The following B4GALT6 variants were observed in gnomAD, a reference collection of about 807,000 sequenced individuals.
B4GALT6 encodes the protein beta-1,4-galactosyltransferase 6, also known as UDP-Gal:beta-GlcNAc beta-1,4-galactosyltransferase 6.
A neutral mutation model predicts 46.3 loss-of-function variants in B4GALT6; 14 were observed. The observed-to-expected ratio is 0.30, with a 90% CI of 0.20 to 0.47. The LOEUF is 0.47. Ranked by LOEUF, B4GALT6 falls within the 20% of genes least tolerant of loss-of-function variation. The pLI, the probability that B4GALT6 is intolerant of heterozygous loss-of-function variation, is 0.99. For missense variants in B4GALT6, 386 were observed against 480.1 expected (o/e 0.80, Z 1.83); for synonymous variants, 168 against 162.0 (o/e 1.04, Z -0.28).
chr18:31,683,755 ATTG>A (rs1410335046), intron 1 of B4GALT6, among the ~76,000 whole-genome samples: 1 of 151,892 alleles, frequency 6.6e-6, no homozygotes, highest in Non-Finnish European at 1.5e-5. Flanking sequence ...ATAATGGAGC[ATTG>A]TTTTTACAAG....
At chr18:31,719,758 C>A in the B4GALT6 span, among the ~76,000 whole-genome samples, 1 of 152,014 alleles carries the variant, frequency 6.6e-6, no homozygotes, top group Non-Finnish European at 1.5e-5. Flanking sequence ...GGAATCATAG[C>A]GGATCAAAGT....
chr18:31,644,549 T>G (rs1321367908), intron 4 of B4GALT6, among the ~76,000 whole-genome samples: 1 of 152,190 alleles, frequency 6.6e-6, no homozygotes, highest in Non-Finnish European at 1.5e-5. Context: ...CTTTAGGAAA[T>G]AACACTTGAT....
chr18:31,710,041 G>C, the B4GALT6 span, among the ~76,000 whole-genome samples: 1 of 151,138 alleles, frequency 6.6e-6, no homozygotes, highest in Non-Finnish European at 1.5e-5. Flanking sequence ...GTTGCAGTGA[G>C]CTGAGATCAT....
intron 1 of B4GALT6, among the ~76,000 whole-genome samples, chr18:31,668,163 C>T (rs1481073213): frequency 2.0e-5 from 3 of 151,642 alleles, no homozygotes; most frequent in African/African-American, 4.8e-5. Context: ...TTTGCAACAA[C>T]ATGGATGCAG....
chr18:31,659,475 C>A (rs1218018876), intron 2 of B4GALT6, among the ~76,000 whole-genome samples: 1 of 152,130 alleles, frequency 6.6e-6, no homozygotes, highest in Non-Finnish European at 1.5e-5. Context: ...GGCTGCTAAG[C>A]AGAGGGTGTT....
At chr18:31,631,295 AC>A in intron 5 of B4GALT6, 149 bp from the exon 6 acceptor site, 1 of 810,072 alleles carries the variant, frequency 1.2e-6, no homozygotes, top group South Asian at 2.2e-5. Context: ...CTCGTGATCC[AC>A]CCACCTCAGC....
chr18:31,644,460 G>A (rs1383937507), intron 4 of B4GALT6, among the ~76,000 whole-genome samples: 3 of 151,768 alleles, frequency 2.0e-5, no homozygotes, highest in African/African-American at 7.3e-5. Context: ...GGTGGGGGGA[G>A]GTGAAAATAC....
At chr18:31,707,528 T>A in the B4GALT6 span, among the ~76,000 whole-genome samples, 400 of 152,306 alleles carry the variant, frequency 2.6e-3, 1 homozygote, top group African/African-American at 9.3e-3. Flanking sequence ...ATTTACAAGG[T>A]AAGTTAAACA....
chr18:31,675,762 G>A (rs1361454679), intron 1 of B4GALT6, among the ~76,000 whole-genome samples: 1 of 152,088 alleles, frequency 6.6e-6, no homozygotes, highest in African/African-American at 2.4e-5. Context: ...AAAAGACCAA[G>A]CCATAAATAA....
At chr18:31,651,550 C>T (rs1470237726) in intron 3 of B4GALT6, among the ~76,000 whole-genome samples, 2 of 152,108 alleles carry the variant, frequency 1.3e-5, no homozygotes, top group Non-Finnish European at 2.9e-5. Context: ...CAGGGACACA[C>T]GGCCTCCTGC....
At chr18:31,701,465 T>C in the B4GALT6 span, among the ~76,000 whole-genome samples, 6 of 152,196 alleles carry the variant, frequency 3.9e-5, no homozygotes. Flanking sequence ...GTCTCAGCTA[T>C]TTCTTTATAG....
At chr18:31,703,872 T>C in the B4GALT6 span, among the ~76,000 whole-genome samples, 1 of 152,216 alleles carries the variant, frequency 6.6e-6, no homozygotes, top group African/African-American at 2.4e-5. Context: ...TTCTTTTGCA[T>C]ATGTATCAGC....
rs1408310242 is a variant in B4GALT6, at chr18:31,624,197, A to T, written c.*1417T>A. 6.6e-6 allele frequency: 1 copy of T among 152,048 alleles called. No homozygotes were observed. Among genetic ancestry groups the T allele is most frequent in the Non-Finnish European group, 1.5e-5 (1 of 67,898 alleles). The allele number at this position is 152,048 out of a possible 1,614,324, so 9.4% of individuals were successfully genotyped here. Reference sequence around the variant, plus strand: ...CCTGACACTCATGCAAACATGTAAGATATTACATATAGAAGACATTATGGC... The same window carrying T: ...CCTGACACTCATGCAAACATGTAAGTTATTACATATAGAAGACATTATGGC... On this transcript the variant is annotated 3_prime_UTR_variant, in exon 9 of 9. Transcript: ENST00000306851.
At chr18:31,699,637 A>G in the B4GALT6 span, among the ~76,000 whole-genome samples, 8 of 19,600 alleles carry the variant, frequency 4.1e-4, no homozygotes, top group Non-Finnish European at 3.2e-4. Flanking sequence ...CTCTTCCTGG[A>G]AAAAAAAAAA....
chr18:31,699,074 T>C, the B4GALT6 span, among the ~76,000 whole-genome samples: 2 of 145,066 alleles, frequency 1.4e-5, no homozygotes, highest in African/African-American at 5.1e-5. Flanking sequence ...AGCAAGACTC[T>C]GTCTCAAAAA....
chr18:31,694,627 T>C, the B4GALT6 span, among the ~76,000 whole-genome samples: 1 of 152,246 alleles, frequency 6.6e-6, no homozygotes, highest in Non-Finnish European at 1.5e-5. Flanking sequence ...GTTCACAGGA[T>C]ATTTGCAGCA....
chr18:31,631,564 T>C (rs539504903), intron 5 of B4GALT6, among the ~76,000 whole-genome samples: 9 of 152,180 alleles, frequency 5.9e-5, no homozygotes, highest in Non-Finnish European at 1.3e-4. Context: ...TTAAATAATT[T>C]GTATTTCTGC....
the B4GALT6 span, among the ~76,000 whole-genome samples, chr18:31,720,133 T>C: frequency 6.6e-6 from 1 of 152,268 alleles, no homozygotes; most frequent in Non-Finnish European, 1.5e-5. Context: ...GTTTGGCCTA[T>C]GCCCAGGAAT....
intron 1 of B4GALT6, among the ~76,000 whole-genome samples, chr18:31,667,365 G>C (rs1170844634): frequency 6.6e-6 from 1 of 152,184 alleles, no homozygotes; most frequent in Non-Finnish European, 1.5e-5. Flanking sequence ...AAGCCTCAGT[G>C]AATGACTCAA....
Sources: allele counts gnomAD v4.1 joint callset (sites outside exome capture counted in the v4.1 genomes callset), GRCh38; gene constraint gnomAD v4.1.1; transcripts MANE v1.5; gene names NCBI Gene and HGNC (gene_info 2026-07-23, HGNC 2026-07-21).